The following ABTB2 variants were observed in gnomAD, a reference collection of about 807,000 sequenced individuals.
The protein encoded by ABTB2 is ankyrin repeat and BTB/POZ domain-containing protein 2.
A neutral mutation model predicts 104.1 loss-of-function variants in ABTB2; 56 were observed. That is an observed-to-expected ratio of 0.54 (90% CI 0.43 to 0.67). The LOEUF (loss-of-function observed/expected upper bound fraction) is 0.67, where lower values mean the gene tolerates loss of function less well. Among genes scored for constraint, ABTB2 ranks in the 30% least tolerant of loss-of-function variants. The pLI is 0.00. For missense variants in ABTB2, 1,279 were observed against 1,407.7 expected (o/e 0.91, Z 1.46); for synonymous variants, 606 against 608.2 (o/e 1.00, Z 0.05).
At chr11:34,253,975 C>T (rs1461785357) in intron 1 of ABTB2, among the ~76,000 whole-genome samples, 1 of 152,184 alleles carries the variant, frequency 6.6e-6, no homozygotes, top group Non-Finnish European at 1.5e-5. Flanking sequence ...CGTGAGAGCA[C>T]TGGCCATGTA....
At chr11:34,264,588 C>T (rs1854225511) in intron 1 of ABTB2, among the ~76,000 whole-genome samples, 1 of 152,156 alleles carries the variant, frequency 6.6e-6, no homozygotes, top group Non-Finnish European at 1.5e-5. Context: ...CTACCTTTTT[C>T]TTTCAGTTTT....
At chr11:34,250,801 C>T (rs544638871) in intron 1 of ABTB2, among the ~76,000 whole-genome samples, 48 of 152,316 alleles carry the variant, frequency 3.2e-4, no homozygotes, top group Non-Finnish European at 5.6e-4. Context: ...TTACTGAGAT[C>T]CTACCAGGTG....
At chr11:34,156,715 G>A (rs539442012) in intron 14 of ABTB2, among the ~76,000 whole-genome samples, 2 of 152,138 alleles carry the variant, frequency 1.3e-5, no homozygotes, top group East Asian at 1.9e-4. Context: ...GTAGAGATAC[G>A]GTTTCTACAT....
At chr11:34,261,068 A>T (rs1390904742) in intron 1 of ABTB2, among the ~76,000 whole-genome samples, 1 of 152,138 alleles carries the variant, frequency 6.6e-6, no homozygotes, top group East Asian at 1.9e-4. Flanking sequence ...GGTTGTAGTG[A>T]GCAGAGATTG....
At position 34,227,273 on chromosome 11, in the gene ABTB2, C is replaced by T. The variant is rs372284660; in HGVS notation, c.884-22583G>A. On this transcript the variant is annotated intron_variant, in intron 1 of 16. Transcript: ENST00000435224. ...TGGGTGACAGAGTGAGACTCCATCTCAAAAAAAAAAAAGAAAAAAAAAAAA... is the reference window on the plus strand; with the variant it reads ...TGGGTGACAGAGTGAGACTCCATCTTAAAAAAAAAAAAGAAAAAAAAAAAA... Among the ~76,000 whole-genome samples the T allele has an allele frequency of 1.5e-4, 12 of 80,358 alleles. No individual in the cohort carries two copies. In the East Asian group the frequency reaches 3.9e-3, roughly 26 times the overall value. The allele number at this position is 80,358 out of a possible 152,430, so 52.7% of individuals were successfully genotyped here. A position where few individuals can be genotyped will look rare whatever the true frequency, so the allele number is the denominator to read the frequency against.
Position 34,223,801 on chromosome 11 carries a change from T to C in ABTB2, c.884-19111A>G, listed in dbSNP as rs116228159. ...GAGATCTGATTGTCCACCCCTCAAG[T>C]CAACTGCCAGAGGGTGGAGAAAACT... On this transcript the variant is annotated intron_variant, in intron 1 of 16. Transcript: ENST00000435224. Among the ~76,000 whole-genome samples, 1,015 of 152,284 alleles carry C rather than the reference T, an allele frequency of 6.7e-3. 13 individuals carry two copies. The highest frequency in any genetic ancestry group is 0.023 in the African/African-American group (938 of 41,558).
chr11:34,170,244 C>T (rs910286238), intron 5 of ABTB2, among the ~76,000 whole-genome samples: 5 of 152,204 alleles, frequency 3.3e-5, no homozygotes, highest in African/African-American at 1.2e-4. Flanking sequence ...AATAGTGCTA[C>T]ATCACAGGGC....
chr11:34,283,045 A>G (rs1348836387), intron 1 of ABTB2, among the ~76,000 whole-genome samples: 1 of 149,636 alleles, frequency 6.7e-6, no homozygotes, highest in Non-Finnish European at 1.5e-5. Flanking sequence ...AGTAGCTGGT[A>G]CTACAGGCGC....
intron 3 of ABTB2, among the ~76,000 whole-genome samples, chr11:34,177,888 C>A (rs1852976381): frequency 6.6e-6 from 1 of 152,100 alleles, no homozygotes; most frequent in South Asian, 2.1e-4. Flanking sequence ...TTGATTCCAG[C>A]TTTACTCCTG....
chr11:34,217,013 G>A (rs1853558262), intron 1 of ABTB2, among the ~76,000 whole-genome samples: 1 of 152,186 alleles, frequency 6.6e-6, no homozygotes, highest in African/African-American at 2.4e-5. Flanking sequence ...CCTCATCCTA[G>A]AAATTTCTGC....
intron 1 of ABTB2, among the ~76,000 whole-genome samples, chr11:34,229,435 C>T (rs1326220697): frequency 3.3e-5 from 5 of 149,746 alleles, no homozygotes; most frequent in South Asian, 2.1e-4. Context: ...GAGCAGAGAT[C>T]GCACCACTGC....
intron 1 of ABTB2, among the ~76,000 whole-genome samples, chr11:34,254,818 C>T (rs570379273): frequency 1.1e-4 from 16 of 151,010 alleles, no homozygotes; most frequent in Admixed American, 3.3e-4. Flanking sequence ...ATTATAGGCA[C>T]TTGCCACCAC....
intron 5 of ABTB2, among the ~76,000 whole-genome samples, chr11:34,169,089 T>C: frequency 6.6e-6 from 1 of 152,222 alleles, no homozygotes; most frequent in Non-Finnish European, 1.5e-5. Context: ...CAAACAGGAT[T>C]GAGCACTTAG....
intron 1 of ABTB2, chr11:34,336,019 A>C (rs1165787466): frequency 2.0e-6 from 1 of 488,208 alleles, no homozygotes; most frequent in African/African-American, 1.9e-5. Context: ...TGGAGGGGAC[A>C]GTTCACTAAA....
intron 1 of ABTB2, among the ~76,000 whole-genome samples, chr11:34,348,985 T>C (rs1381726063): frequency 6.6e-6 from 1 of 152,206 alleles, no homozygotes; most frequent in Non-Finnish European, 1.5e-5. Flanking sequence ...AGTGAGCAGT[T>C]GATTAATGAT....
intron 3 of ABTB2, among the ~76,000 whole-genome samples, chr11:34,177,026 G>T (rs1346050988): frequency 6.6e-6 from 1 of 152,176 alleles, no homozygotes; most frequent in African/African-American, 2.4e-5. Context: ...CCTTCTGATT[G>T]CAGGAAAAGC....
chr11:34,233,073 C>T (rs1853793263), intron 1 of ABTB2, among the ~76,000 whole-genome samples: 1 of 151,818 alleles, frequency 6.6e-6, no homozygotes, highest in South Asian at 2.1e-4. Context: ...TGGTTTGGTC[C>T]TCCAGTGGCT....
intron 9 of ABTB2, among the ~76,000 whole-genome samples, chr11:34,163,591 G>A (rs1353312454): frequency 6.6e-6 from 1 of 152,190 alleles, no homozygotes; most frequent in Admixed American, 6.5e-5. Context: ...AGCATGGGTG[G>A]TGCTGCAAGG....
intron 16 of ABTB2, among the ~76,000 whole-genome samples, chr11:34,153,661 G>C (rs1416042983): frequency 1.3e-5 from 2 of 152,160 alleles, no homozygotes; most frequent in Non-Finnish European, 2.9e-5. Context: ...TTGAACTTTT[G>C]AAAGAAGCTT....
Sources: gnomAD v4.1 joint callset for allele counts (sites outside exome capture counted in the v4.1 genomes callset) on GRCh38, gnomAD v4.1.1 for gene constraint, MANE v1.5 for transcripts, NCBI Gene and HGNC (gene_info 2026-07-23, HGNC 2026-07-21) for gene names.